The following ARL16 variants were observed in gnomAD, a reference collection of about 807,000 sequenced individuals.
The protein encoded by ARL16 is ADP-ribosylation factor-like protein 16.
A neutral mutation model predicts 14.1 loss-of-function variants in ARL16; 21 were observed. The observed-to-expected ratio is 1.48, with a 90% CI of 1.05 to 2.14. ARL16 has a LOEUF of 2.14. ARL16 is among the 30% of genes most tolerant of loss of function. The pLI is 0.00. For missense variants in ARL16, 248 were observed against 222.0 expected, an observed-to-expected ratio of 1.12 and a Z score of -0.74; for synonymous variants, 122 against 91.8, an observed-to-expected ratio of 1.33 and a Z score of -1.88.
chr17:81,681,833 T>A lies in ARL16; in HGVS notation c.397A>T (p.Arg133Trp). 1 of 1,613,104 alleles carries A rather than the reference T, an allele frequency of 6.2e-7. No individual in the cohort carries two copies. Among genetic ancestry groups the A allele is most frequent in the South Asian group, 1.1e-5 (1 of 91,000 alleles). ...MSTEEMKSLI[R>W]LPDIIACAKQ... ...GCACAAGCAATGATGTCTGGAAGCC[T>A]GATTAATGACTTCATCTCCTCCGTG... Residue 133 changes from arginine (R) to tryptophan (W), a missense_variant, in exon 5 of 5, where the codon AGG (arginine) becomes TGG (tryptophan). Physicochemically the swap from Arg to Trp is moderately radical, Grantham distance 101. Transcript: ENST00000622299.
rs778454589 is a variant in ARL16, at chr17:81,682,074, G to T, written c.310C>A (p.Gln104Lys). 1.2e-6 allele frequency: 2 copies of T among 1,613,224 alleles called. No individual in the cohort carries two copies. Among genetic ancestry groups the T allele is most frequent in the East Asian group, 2.2e-5 (1 of 44,862 alleles). The stretch of plus-strand genomic sequence containing the variant: ...ATCAGCACCGATGCTTCTGCAAGTT[G>T]TTCTGCAGAAAGGAGACCTAAGAGC... ...VQLLGLLSAE[Q>K]LAEASVLILF... The change falls in exon 4 of 5, where the codon CAA becomes AAA. Residue 104 changes from glutamine (Q) to lysine (K), a missense_variant. Coordinates refer to ENST00000622299, the MANE Select transcript of ARL16 (RefSeq NM_001040025.3).
At chr17:81,682,249 A>T (rs753887757) in intron 3 of ARL16, 100 bp from the exon 4 acceptor site, 34 of 813,880 alleles carry the variant, frequency 4.2e-5, no homozygotes, top group Non-Finnish European at 6.2e-5. Context: ...GCATTTTTTA[A>T]TTAATTAATT....
rs575416176 is a variant in ARL16, at chr17:81,681,632, A to C, written c.*76T>G. 13 of 1,456,100 alleles carry C rather than the reference A, an allele frequency of 8.9e-6. No individual in the cohort carries two copies. The highest frequency in any genetic ancestry group is 1.1e-5 in the Non-Finnish European group (12 of 1,099,832). The allele number at this position is 1,456,100 out of a possible 1,614,324, so 90.2% of individuals were successfully genotyped here. A position where few individuals can be genotyped will look rare whatever the true frequency, so the allele number is the denominator to read the frequency against. On this transcript the variant is annotated 3_prime_UTR_variant, in exon 5 of 5. Coordinates refer to ENST00000622299, the MANE Select transcript of ARL16 (RefSeq NM_001040025.3). ...TGGGTTATTCTGCCCCTGTGAGAAGAAACTATTGGCAGCAAAGCCATACTG... is the reference window on the plus strand; with the variant it reads ...TGGGTTATTCTGCCCCTGTGAGAAGCAACTATTGGCAGCAAAGCCATACTG...
chr17:81,682,342 A>G, intron 3 of ARL16, 193 bp from the exon 4 acceptor site: 1 of 442,788 alleles, frequency 2.3e-6, no homozygotes, highest in Non-Finnish European at 4.1e-6. Context: ...TTCAGGGTTC[A>G]AGTGATTCTC....
chr17:81,683,673 G>T lies in ARL16; in HGVS notation c.61+20C>A. 6.3e-7 allele frequency: 1 copy of T among 1,595,298 alleles called. No individual in the cohort carries two copies. The highest frequency in any genetic ancestry group is 8.5e-7 in the Non-Finnish European group (1 of 1,173,044). On this transcript the variant is annotated intron_variant, in intron 1 of 4. Transcript: ENST00000622299. ...CGGGTGCCCCCCGCGCCCCGGTCCC[G>T]TCCCCGCGCGGAAGGATATCCTGCA...
In ARL16 at chr17:81,681,969, T is replaced by C. The variant is rs1413296450; in HGVS notation, c.350+65A>G. ...GCACCACCTCCCTACCGAGCCATGC[T>C]TCCGGCTGTAACCCGAGGGAGCCCC... On this transcript the variant is annotated intron_variant, in intron 4 of 4. Transcript: ENST00000622299. 8.3e-6 allele frequency: 13 copies of C among 1,565,258 alleles called. No homozygotes were observed. The Admixed American group carries it at 1.8e-4, about 22-fold the overall frequency.
At chr17:81,682,377 G>C (rs780460361) in intron 3 of ARL16, 196 of 362,616 alleles carry the variant, frequency 5.4e-4, no homozygotes, top group Non-Finnish European at 8.4e-4. Flanking sequence ...CAAGTAACTG[G>C]GACTACAGAC....
chr17:81,683,311 C>G, intron 2 of ARL16, 185 bp from the exon 3 acceptor site: 1 of 812,720 alleles, frequency 1.2e-6, no homozygotes, highest in Admixed American at 3.0e-5. Context: ...GGGCGACCAG[C>G]CACAGGAAGC....
In ARL16 at chr17:81,683,532, C is replaced by T; in HGVS notation, c.120+4G>A. The T allele has an allele frequency of 6.3e-7, 1 of 1,583,092 alleles. No individual in the cohort carries two copies. The highest frequency in any genetic ancestry group is 8.6e-7 in the Non-Finnish European group (1 of 1,167,662). On this transcript the variant is annotated splice_donor_region_variant and intron_variant, in intron 2 of 4. Transcript: ENST00000622299. ...CAACTCCACCCGCGGGGGCGGACAC[C>T]TACCGTGGGCCGTGTCGGGGGCGGC... is the stretch of plus-strand genomic sequence containing the variant.
Position 81,683,122 on chromosome 17 carries a change from C to G in ARL16, c.125G>C (p.Gly42Ala), listed in dbSNP as rs374542689. Reference sequence around the variant, plus strand: ...TGCCACGATGTCAGTAAGATTGGTGCCCACCTATAGGAAAAACCACGATGC... The same window carrying G: ...TGCCACGATGTCAGTAAGATTGGTGGCCACCTATAGGAAAAACCACGATGC... Reference protein sequence around the residue: ...GEPPPTRPTVGTNLTDIVAQR... With the variant: ...GEPPPTRPTVATNLTDIVAQR... The change falls in exon 3 of 5, where the codon GGC becomes GCC. Residue 42 changes from glycine (G) to alanine (A), a missense_variant. Gly to Ala is a moderately conservative substitution (Grantham distance 60). Coordinates refer to ENST00000622299, the MANE Select transcript of ARL16 (RefSeq NM_001040025.3). The G allele has an allele frequency of 3.1e-6, 5 of 1,607,110 alleles. No individual in the cohort carries two copies. The highest frequency in any genetic ancestry group is 4.2e-6 in the Non-Finnish European group (5 of 1,177,556).
In ARL16 at chr17:81,683,606, T is replaced by C. The variant is rs968410123; in HGVS notation, c.62-12A>G. 1.3e-6 allele frequency: 2 copies of C among 1,599,472 alleles called. No homozygotes were observed. The highest frequency in any genetic ancestry group is 2.8e-5 in the African/African-American group (2 of 71,628). On this transcript the variant is annotated splice_polypyrimidine_tract_variant and intron_variant, in intron 1 of 4. Transcript: ENST00000622299. ...CCGGGAGCTCACCTGTGCGAAGCGGTCAAGGACCCGAGCAGCTAAAGGGTG... is the reference window on the plus strand; with the variant it reads ...CCGGGAGCTCACCTGTGCGAAGCGGCCAAGGACCCGAGCAGCTAAAGGGTG...
chr17:81,682,134 A>G lies in ARL16; in HGVS notation c.250T>C (p.Ser84Pro). The change falls in exon 4 of 5, where the codon TCT becomes CCT. Residue 84 changes from serine (S) to proline (P), a missense_variant. Transcript: ENST00000622299. ...GATGCAGAGAGCTGGGTGGGGTCAG[A>G]GGCGTCCATCACAAACTGGGGAAAA... is the stretch of plus-strand genomic sequence containing the variant. The part of the protein sequence containing the change: ...CRSLLFVMDA[S>P]DPTQLSASCV... 6.2e-7 allele frequency: 1 copy of G among 1,607,994 alleles called. No individual in the cohort carries two copies. The highest frequency in any genetic ancestry group is 8.5e-7 in the Non-Finnish European group (1 of 1,177,814).
rs2036912422 is a variant in ARL16, at chr17:81,683,704, T to A, written c.50A>T (p.Lys17Ile). The change falls in exon 1 of 5, where the codon AAA becomes ATA. Residue 17 changes from lysine (K) to isoleucine (I), a missense_variant. Physicochemically the swap from Lys to Ile is moderately radical, Grantham distance 102. Coordinates refer to ENST00000622299, the MANE Select transcript of ARL16 (RefSeq NM_001040025.3). ...GCGCGGAAGGATATCCTGCAGCCGTTTCACCAGCAGCGTCTTCCCGACGCC... is the reference window on the plus strand; with the variant it reads ...GCGCGGAAGGATATCCTGCAGCCGTATCACCAGCAGCGTCTTCCCGACGCC... ...ATGVGKTLLV[K>I]RLQEVSSRDG... 1 of 1,606,230 alleles carries A rather than the reference T, an allele frequency of 6.2e-7. No individual in the cohort carries two copies. The highest frequency in any genetic ancestry group is 2.2e-5 in the East Asian group (1 of 44,582).
Position 81,681,487 on chromosome 17 carries a change from C to T in ARL16, c.*221G>A, listed in dbSNP as rs1598738303. 3.7e-6 allele frequency: 2 copies of T among 543,652 alleles called. No individual in the cohort carries two copies. Among genetic ancestry groups the T allele is most frequent in the Non-Finnish European group, 3.1e-6 (1 of 318,792 alleles). 33.7% of individuals were successfully genotyped at this position (543,652 alleles called of 1,614,324 possible). ...AAGTGCTGGGATTACAGGTGTGAGC[C>T]ACCATGCCTAGCCCCTGGGGACACT... On this transcript the variant is annotated 3_prime_UTR_variant, in exon 5 of 5. Transcript: ENST00000622299.
In ARL16 at chr17:81,682,901, T is replaced by G. The variant is rs570487136; in HGVS notation, c.234+112A>C. ...CTAAGACCTATTTCCATGAGTAGTA[T>G]AGTCACTAAATAACCCAAACCCCTT... On this transcript the variant is annotated intron_variant, in intron 3 of 4. Transcript: ENST00000622299. 4.2e-6 allele frequency: 4 copies of G among 946,426 alleles called. No homozygotes were observed. In the African/African-American group the frequency reaches 6.6e-5, roughly 16 times the overall value. 58.6% of individuals were successfully genotyped at this position (946,426 alleles called of 1,614,324 possible).
In ARL16 at chr17:81,683,782, A is replaced by G. The variant is rs900626402; in HGVS notation, c.-29T>C. On this transcript the variant is annotated 5_prime_UTR_variant, in exon 1 of 5. Transcript: ENST00000622299. ...GTGCTTCGCTCCACCCGGCACCCGT[A>G]GCTCGGCGCCGCGGCTCAAGGCCCG... 8.7e-6 allele frequency: 14 copies of G among 1,606,124 alleles called. No individual in the cohort carries two copies. Among genetic ancestry groups the G allele is most frequent in the Non-Finnish European group, 1.2e-5 (14 of 1,179,526 alleles).
intron 3 of ARL16, 108 bp downstream of exon 3, chr17:81,682,905 C>T (rs1205702105): frequency 3.1e-6 from 3 of 981,106 alleles, no homozygotes; most frequent in Non-Finnish European, 3.2e-6. Context: ...GTAGTATAGT[C>T]ACTAAATAAC....
At position 81,681,507 on chromosome 17, in the gene ARL16, GAC is replaced by G. The variant is rs2036843778; in HGVS notation, c.*199_*200del. 3.1e-6 allele frequency: 2 copies of G among 645,514 alleles called. No homozygotes were observed. The highest frequency in any genetic ancestry group is 5.0e-6 in the Non-Finnish European group (2 of 399,388). 40.0% of individuals were successfully genotyped at this position (645,514 alleles called of 1,614,324 possible). A position where few individuals can be genotyped will look rare whatever the true frequency, so the allele number is the denominator to read the frequency against. On this transcript the variant is annotated 3_prime_UTR_variant, in exon 5 of 5. Coordinates refer to ENST00000622299, the MANE Select transcript of ARL16 (RefSeq NM_001040025.3). ...TGAGCCACCATGCCTAGCCCCTGGG[GAC>G]ACTTTTTTCAGAGGCCAGATGTCAA... is the stretch of plus-strand genomic sequence containing the variant.
rs1157311769 is a variant in ARL16 at position 81,683,447 on chromosome 17, G to T, written c.120+89C>A. 2.8e-6 allele frequency: 4 copies of T among 1,403,770 alleles called. No homozygotes were observed. In the South Asian group the frequency reaches 5.9e-5, roughly 21 times the overall value. The allele number at this position is 1,403,770 out of a possible 1,614,324, so 87.0% of individuals were successfully genotyped here. A position where few individuals can be genotyped will look rare whatever the true frequency, so the allele number is the denominator to read the frequency against. ...CTTAAGTCACGACCTGACCCGCTGC[G>T]CCTCGGCGTGCACTTAGAGGAGCCC... On this transcript the variant is annotated intron_variant, in intron 2 of 4. Transcript: ENST00000622299.
Sources: gnomAD v4.1 joint callset for allele counts on GRCh38, gnomAD v4.1.1 for gene constraint, MANE v1.5 for transcripts, NCBI Gene and HGNC (gene_info 2026-07-23, HGNC 2026-07-21) for gene names.